Variants in MDN1 observed in about 807,000 individuals in gnomAD.
The protein encoded by MDN1 is midasin.
MDN1 carries 266 observed loss-of-function variants against 669.2 expected under a neutral mutation model. The ratio of observed to expected loss-of-function variants is 0.40; its 90% CI spans 0.36 to 0.44. The LOEUF is 0.44. MDN1 is among the 20% of genes least tolerant of loss of function. MDN1 has a pLI of 1.00. For synonymous variants in MDN1, 2,385 were observed against 2,457.1 expected (o/e 0.97, Z 0.87); for missense variants, 5,940 against 6,754.0 (o/e 0.88, Z 4.22).
intron 15 of MDN1, among the ~76,000 whole-genome samples, chr6:89,768,163 A>C (rs930247330): frequency 4.6e-5 from 7 of 152,166 alleles, no homozygotes; most frequent in Admixed American, 3.9e-4. Context: ...TGATCTCAGG[A>C]GCTCAAGATT....
intron 65 of MDN1, 43 bp from the exon 66 acceptor site, chr6:89,688,851 T>G (rs768812937): frequency 5.9e-6 from 9 of 1,512,818 alleles, no homozygotes; most frequent in Non-Finnish European, 8.2e-6. Flanking sequence ...ATTCAGTAAG[T>G]TGATCTATCA....
At chr6:89,718,234 T>C in intron 43 of MDN1, 132 bp downstream of exon 43, 3 of 1,061,680 alleles carry the variant, frequency 2.8e-6, no homozygotes, top group Non-Finnish European at 4.0e-6. Flanking sequence ...ACTTTCTAGG[T>C]CAAACTTTCC....
rs991180310 is a variant in MDN1, at chr6:89,643,404, G to T, written c.*601C>A. ...AAGGATCGTTTTTATAGATGACCTG[G>T]GCACCTATAATGTCCAGTTGCTTTA... is the stretch of plus-strand genomic sequence containing the variant. On this transcript the variant is annotated 3_prime_UTR_variant, in exon 102 of 102. Transcript: ENST00000369393. 1 of 152,000 alleles carries T rather than the reference G, an allele frequency of 6.6e-6. No homozygotes were observed. The highest frequency in any genetic ancestry group is 6.5e-5 in the Admixed American group (1 of 15,270). 9.4% of individuals were successfully genotyped at this position (152,000 alleles called of 1,614,324 possible). A position where few individuals can be genotyped will look rare whatever the true frequency, so the allele number is the denominator to read the frequency against.
At chr6:89,803,279 A>G (rs999563089) in intron 2 of MDN1, 49 bp downstream of exon 2, 4 of 1,496,872 alleles carry the variant, frequency 2.7e-6, no homozygotes, top group Non-Finnish European at 3.7e-6. Flanking sequence ...AGGAGACAGC[A>G]GGTTCTATCA....
At chr6:89,718,255 G>T in intron 43 of MDN1, 111 bp downstream of exon 43, 2 of 1,213,256 alleles carry the variant, frequency 1.6e-6, no homozygotes, top group Non-Finnish European at 2.3e-6. Flanking sequence ...CACAAGTTCT[G>T]ATTGTTAATA....
chr6:89,785,543 G>A (rs1245968122), intron 8 of MDN1, among the ~76,000 whole-genome samples: 5 of 152,126 alleles, frequency 3.3e-5, no homozygotes, highest in African/African-American at 4.8e-5. Flanking sequence ...AAAATTTCCA[G>A]AAGAGAAAAA....
chr6:89,647,017 C>T (rs982545897), intron 99 of MDN1, among the ~76,000 whole-genome samples: 2 of 152,140 alleles, frequency 1.3e-5, no homozygotes. Flanking sequence ...GAACACCTGG[C>T]CTCAAGCGGT....
chr6:89,680,519 C>T (rs1428697037), intron 74 of MDN1, 70 bp downstream of exon 74: 3 of 1,550,710 alleles, frequency 1.9e-6, no homozygotes, highest in Non-Finnish European at 2.6e-6. Flanking sequence ...ACAGTTGCCA[C>T]ATTCTCAGCC....
At chr6:89,765,974 T>A (rs954823336) in intron 15 of MDN1, among the ~76,000 whole-genome samples, 1 of 152,182 alleles carries the variant, frequency 6.6e-6, no homozygotes, top group South Asian at 2.1e-4. Flanking sequence ...AGCTTAATAT[T>A]TCAAAGTAGA....
chr6:89,675,536 G>A lies in MDN1; in HGVS notation c.12689C>T (p.Ala4230Val), dbSNP rs867054532. Residue 4230 changes from alanine (A) to valine (V), a missense_variant, in exon 78 of 102, where the codon GCA becomes GTA. Physicochemically the swap from Ala to Val is moderately conservative, Grantham distance 64. This residue lies in a region of MDN1 where 2,280 missense variants were observed against 2,576.3 expected (regional missense o/e 0.88). Transcript: ENST00000369393. ...GNVERCRGFS[A>V]HLMKMLVRQR... ...TCGGACGAGCATCTTCATCAAATGT[G>A]CTGAGAACCCTCTGCACCTCTCCAC... 6.2e-7 allele frequency: 1 copy of A among 1,613,960 alleles called. No individual in the cohort carries two copies. The highest frequency in any genetic ancestry group is 8.5e-7 in the Non-Finnish European group (1 of 1,180,028).
chr6:89,730,430 G>A (rs770691551), intron 35 of MDN1, among the ~76,000 whole-genome samples: 2 of 152,166 alleles, frequency 1.3e-5, no homozygotes, highest in Middle Eastern at 3.2e-3. Flanking sequence ...GTCAACATTA[G>A]TAGAGTTTAG....
At position 89,658,202 on chromosome 6, in the gene MDN1, T is replaced by G. The variant is rs201136021; in HGVS notation, c.15183+7A>C. On this transcript the variant is annotated splice_region_variant and intron_variant, in intron 90 of 101. Coordinates refer to ENST00000369393, the MANE Select transcript of MDN1 (RefSeq NM_014611.3). Reference sequence around the variant, plus strand: ...CAGCTGGCGGCTGCAGTGAAACCACTGATCACCTCTTTCCCCTGCTCCTTC... The same window carrying G: ...CAGCTGGCGGCTGCAGTGAAACCACGGATCACCTCTTTCCCCTGCTCCTTC... The G allele has an allele frequency of 1.2e-4, 197 of 1,613,874 alleles. No homozygotes were observed. Among genetic ancestry groups the G allele is most frequent in the Non-Finnish European group, 1.6e-4 (189 of 1,179,954 alleles).
chr6:89,736,407 A>G (rs1815974729), intron 33 of MDN1, among the ~76,000 whole-genome samples: 1 of 152,220 alleles, frequency 6.6e-6, no homozygotes, highest in South Asian at 2.1e-4. Flanking sequence ...AGGAATAAGC[A>G]CAGCCCATAG....
At chr6:89,700,527 T>C in intron 56 of MDN1, 119 bp downstream of exon 56, 1 of 943,128 alleles carries the variant, frequency 1.1e-6, no homozygotes, top group African/African-American at 1.7e-5. Flanking sequence ...TATAAAGGTA[T>C]ATAAACTCTA....
At chr6:89,644,929 G>A (rs1808389871) in intron 101 of MDN1, 86 bp downstream of exon 101, 2 of 1,390,172 alleles carry the variant, frequency 1.4e-6, no homozygotes, top group African/African-American at 2.9e-5. Context: ...GTATGACTGA[G>A]TGATCCAGGC....
At chr6:89,737,076 C>T (rs929989499) in intron 33 of MDN1, among the ~76,000 whole-genome samples, 1 of 152,116 alleles carries the variant, frequency 6.6e-6, no homozygotes, top group African/African-American at 2.4e-5. Context: ...AATTCTTATG[C>T]CACTGGGTGA....
intron 24 of MDN1, among the ~76,000 whole-genome samples, chr6:89,750,078 C>CTTA (rs1459947274): frequency 6.6e-5 from 10 of 152,174 alleles, no homozygotes; most frequent in Admixed American, 5.9e-4. Flanking sequence ...TAACACTAAC[C>CTTA]CCATTCTCTG....
Position 89,758,748 on chromosome 6 carries a change from A to G in MDN1, c.2605+68T>C, listed in dbSNP as rs564943840. On this transcript the variant is annotated intron_variant, in intron 18 of 101. Transcript: ENST00000369393. The stretch of plus-strand genomic sequence containing the variant: ...TGTCATCCTTCTAACAACAACAACA[A>G]AAAATCTCACTCTAAAGTGGCCACA... 109 of 1,547,200 alleles carry G rather than the reference A, an allele frequency of 7.0e-5. 1 individual carries two copies. Among genetic ancestry groups the G allele is most frequent in the South Asian group, 4.3e-4 (37 of 85,552 alleles).
Position 89,642,979 on chromosome 6 carries a change from C to G in MDN1, c.*1026G>C, listed in dbSNP as rs1808262284. 1 of 152,238 alleles carries G rather than the reference C, an allele frequency of 6.6e-6. No homozygotes were observed. The highest frequency in any genetic ancestry group is 6.5e-5 in the Admixed American group (1 of 15,278). The allele number at this position is 152,238 out of a possible 1,614,324, so 9.4% of individuals were successfully genotyped here. A position where few individuals can be genotyped will look rare whatever the true frequency, so the allele number is the denominator to read the frequency against. On this transcript the variant is annotated 3_prime_UTR_variant, in exon 102 of 102. Transcript: ENST00000369393. ...CAGACAAGGAGATAGATGATTACAT[C>G]ATGACATACTGCCTACAAAAGAACA... is the stretch of plus-strand genomic sequence containing the variant.
Sources: gnomAD v4.1 joint callset for allele counts (sites outside exome capture counted in the v4.1 genomes callset) on GRCh38, gnomAD v4.1.1 for gene constraint, gnomAD v4.1.1 regional missense constraint, MANE v1.5 for transcripts, NCBI Gene and HGNC (gene_info 2026-07-23, HGNC 2026-07-21) for gene names.